FBLIM1: variants seen among roughly 807,000 people sequenced by gnomAD.
FBLIM1 encodes the protein filamin-binding LIM protein 1.
FBLIM1 carries 29 observed loss-of-function variants against 37.4 expected under a neutral mutation model. The ratio of observed to expected loss-of-function variants is 0.77; its 90% confidence interval spans 0.58 to 1.06. The LOEUF is 1.06. FBLIM1 is among the 50% of genes least tolerant of loss of function. FBLIM1 has a pLI of 0.00. For missense variants in FBLIM1, 449 were observed against 505.6 expected (o/e 0.89, Z 1.07); for synonymous variants, 193 against 199.0 (o/e 0.97, Z 0.25).
upstream of FBLIM1, among the ~76,000 whole-genome samples, chr1:15,756,929 T>A (rs544439931): frequency 2.6e-5 from 4 of 152,290 alleles, no homozygotes; most frequent in South Asian, 8.3e-4. Context: ...GCTCCACTTT[T>A]ATCTCTTAAA....
chr1:15,762,867 T>G lies in FBLIM1; in HGVS notation c.-210-1629T>G, dbSNP rs535795866. Among the ~76,000 whole-genome samples the G allele has an allele frequency of 3.8e-3, 574 of 152,010 alleles. 3 individuals are homozygous for G. The highest frequency in any genetic ancestry group is 0.011 in the South Asian group (54 of 4,800). On this transcript the variant is annotated intron_variant, in intron 1 of 8. Transcript: ENST00000375766. ...CTGGAGAGGGCCAGGAATCGGGGGG[T>G]GCCTTGTGGAAGAGGTGATGTTTGA...
intron 1 of FBLIM1, among the ~76,000 whole-genome samples, chr1:15,762,870 C>G (rs1291612998): frequency 6.6e-6 from 1 of 152,140 alleles, no homozygotes; most frequent in Non-Finnish European, 1.5e-5. Context: ...CGGGGGGTGC[C>G]TTGTGGAAGA....
At position 15,770,476 on chromosome 1, in the gene FBLIM1, G is replaced by A. The variant is rs745432550; in HGVS notation, c.609G>A (p.Gln203=). The A allele has an allele frequency of 2.2e-5, 35 of 1,613,368 alleles. No individual in the cohort carries two copies. Among genetic ancestry groups the A allele is most frequent in the Middle Eastern group, 3.3e-4 (2 of 6,082 alleles). Residue 203 remains glutamine (Q), a synonymous_variant, in exon 6 of 9, where the codon CAG becomes CAA. Coordinates refer to ENST00000375766, the MANE Select transcript of FBLIM1 (RefSeq NM_017556.4). Reference sequence around the variant, plus strand: ...TGGCTGTGGAGGCCATGAAGAGGCAGTACCATGCCCAGTGCTTCACGTGCC... The same window carrying A: ...TGGCTGTGGAGGCCATGAAGAGGCAATACCATGCCCAGTGCTTCACGTGCC... The part of the protein sequence containing the change: ...RELAVEAMKR[Q]YHAQCFTCRT...
chr1:15,759,553 G>A (rs2068566376), intron 1 of FBLIM1, among the ~76,000 whole-genome samples: 1 of 151,984 alleles, frequency 6.6e-6, no homozygotes, highest in Non-Finnish European at 1.5e-5. Flanking sequence ...ACCCCCAGCC[G>A]AGCCCAGCCC....
At chr1:15,770,107 C>T (rs542308838) in intron 5 of FBLIM1, among the ~76,000 whole-genome samples, 18 of 151,698 alleles carry the variant, frequency 1.2e-4, no homozygotes, top group Non-Finnish European at 2.2e-4. Flanking sequence ...CCACTATGCC[C>T]GGCTAATTTT....
chr1:15,768,666 C>A, intron 5 of FBLIM1, 36 bp downstream of exon 5: 1 of 1,529,952 alleles, frequency 6.5e-7, no homozygotes, highest in Non-Finnish European at 8.8e-7. Context: ...CTGGGGTGAT[C>A]TCATGGGGCC....
chr1:15,777,925 C>T (rs2069540744), intron 8 of FBLIM1, among the ~76,000 whole-genome samples: 1 of 152,146 alleles, frequency 6.6e-6, no homozygotes, highest in Admixed American at 6.6e-5. Flanking sequence ...ATTTTCTCTG[C>T]CTGTGGGCTG....
intron 8 of FBLIM1, among the ~76,000 whole-genome samples, chr1:15,783,277 T>C (rs1413815776): frequency 3.3e-5 from 5 of 152,094 alleles, no homozygotes; most frequent in Non-Finnish European, 7.3e-5. Flanking sequence ...CTGAAATCCT[T>C]TGGTGATTTG....
chr1:15,768,675 C>T, intron 5 of FBLIM1, 45 bp downstream of exon 5: 1 of 1,471,808 alleles, frequency 6.8e-7, no homozygotes, highest in Non-Finnish European at 9.2e-7. Context: ...TCTCATGGGG[C>T]CAGCATGGGC....
intron 8 of FBLIM1, among the ~76,000 whole-genome samples, chr1:15,783,089 T>C (rs149179608): frequency 0.02 from 3,086 of 152,060 alleles, 77 homozygotes; most frequent in African/African-American, 0.063. Context: ...CCACTGCGCC[T>C]GGCCCCCTAT....
intron 6 of FBLIM1, 105 bp from the exon 7 acceptor site, chr1:15,774,513 C>A: frequency 6.9e-7 from 1 of 1,453,450 alleles, no homozygotes; most frequent in Non-Finnish European, 9.2e-7. Context: ...CTCTCCTGTA[C>A]TTCCCAGTTC....
chr1:15,781,722 T>G (rs2069645023), intron 8 of FBLIM1, among the ~76,000 whole-genome samples: 1 of 145,908 alleles, frequency 6.9e-6, no homozygotes, highest in African/African-American at 2.5e-5. Context: ...AGTATTGTTT[T>G]TTTTTTTTTT....
At chr1:15,758,313 C>A (rs2068494897), upstream of FBLIM1, 1 of 152,182 alleles carries the variant, frequency 6.6e-6, no homozygotes, top group Non-Finnish European at 1.5e-5. This position sits in a 1 kb window ranked among gnomAD's most constrained non-coding sequence, Gnocchi z 6.2. Context: ...AAGACCCTGG[C>A]GGATCCCAGA....
At chr1:15,774,876 C>A in intron 7 of FBLIM1, 80 bp downstream of exon 7, 1 of 1,612,566 alleles carries the variant, frequency 6.2e-7, no homozygotes, top group Non-Finnish European at 8.5e-7. Flanking sequence ...GAGCTTGAGT[C>A]CTGGGTGCTG....
At chr1:15,774,268 T>TG (rs36049243) in intron 6 of FBLIM1, among the ~76,000 whole-genome samples, 101,726 of 152,064 alleles carry the variant, frequency 0.67, 34,352 homozygotes, top group East Asian at 0.82. Flanking sequence ...GTCTGTATGA[T>TG]AAAGCACCCA....
chr1:15,777,299 C>G lies in FBLIM1; in HGVS notation c.1008+12C>G, dbSNP rs183188118. On this transcript the variant is annotated intron_variant, in intron 8 of 8. Transcript: ENST00000375766. ...GCTACAGGTGTGAGGTGAGTGGAGC[C>G]TAGGTGGTTTAATAACATTCCATTG... The G allele has an allele frequency of 1.1e-5, 18 of 1,592,822 alleles. No homozygotes were observed. The East Asian group carries it at 3.4e-4, about 30-fold the overall frequency.
rs374339124 is a variant in FBLIM1, at chr1:15,784,563, C to T, written c.1024C>T (p.Leu342=). Reference sequence around the variant, plus strand: ...GTCTCCCCAGGACTGCAGGATCCTCCTGTCTGTCGAGCCCACGGACCAAGG... The same window carrying T: ...GTCTCCCCAGGACTGCAGGATCCTCTTGTCTGTCGAGCCCACGGACCAAGG... The part of the protein sequence containing the change: ...CYRCEDCRIL[L]SVEPTDQGCY... The change falls in exon 9 of 9, where the codon CTG becomes TTG. Residue 342 remains leucine, a synonymous_variant. Transcript: ENST00000375766. 4 of 1,613,950 alleles carry T rather than the reference C, an allele frequency of 2.5e-6. No individual in the cohort carries two copies. In the African/African-American group the frequency reaches 5.3e-5, roughly 21 times the overall value.
chr1:15,786,059 G>T lies in FBLIM1; in HGVS notation c.*1398G>T, dbSNP rs746370363. ...CTTCTCCAGTATGGTGCCAGGACAG[G>T]TGTCCCTTCAGTCCTCTGGTTATGA... is the stretch of plus-strand genomic sequence containing the variant. On this transcript the variant is annotated 3_prime_UTR_variant, in exon 9 of 9. Coordinates refer to ENST00000375766, the MANE Select transcript of FBLIM1 (RefSeq NM_017556.4). The T allele has an allele frequency of 2.0e-5, 3 of 152,382 alleles. No homozygotes were observed. Among genetic ancestry groups the T allele is most frequent in the Non-Finnish European group, 2.9e-5 (2 of 68,170 alleles). 9.4% of individuals were successfully genotyped at this position (152,382 alleles called of 1,614,324 possible).
chr1:15,781,041 C>T (rs534437499), intron 8 of FBLIM1, among the ~76,000 whole-genome samples: 5 of 152,124 alleles, frequency 3.3e-5, no homozygotes, highest in Admixed American at 1.3e-4. Context: ...TGTAGTAAGT[C>T]GGCATTTGGA....
Sources: allele counts gnomAD v4.1 joint callset (sites outside exome capture counted in the v4.1 genomes callset), GRCh38; gene constraint gnomAD v4.1.1; non-coding constraint Gnocchi (gnomAD v3.1); transcripts MANE v1.5; gene names NCBI Gene and HGNC (gene_info 2026-07-23, HGNC 2026-07-21).